Variants in SLC14A2 observed in about 807,000 individuals in gnomAD.
The protein encoded by SLC14A2 is urea transporter 2.
Under a neutral mutation model 104.6 loss-of-function variants are expected in SLC14A2, and 91 were observed. The ratio of observed to expected loss-of-function variants is 0.87; its 90% CI spans 0.73 to 1.04. The LOEUF (loss-of-function observed/expected upper bound fraction) is 1.04, where lower values mean the gene tolerates loss of function less well. Among genes scored for constraint, SLC14A2 ranks in the 50% least tolerant of loss-of-function variants. The probability of loss-of-function intolerance (pLI) is 0.00; values close to 1 mark genes in which losing one functional copy is unlikely to be tolerated. For missense variants in SLC14A2, 1,189 were observed against 1,156.0 expected (o/e 1.03, Z -0.41); for synonymous variants, 476 against 466.4 (o/e 1.02, Z -0.27).
chr18:45,615,856 A>G (rs867841969), intron 1 of SLC14A2, among the ~76,000 whole-genome samples: 2 of 150,140 alleles, frequency 1.3e-5, no homozygotes, highest in Non-Finnish European at 3.0e-5. Context: ...AGAGAGAGAG[A>G]GAGGGAGAGA....
intron 3 of SLC14A2, 141 bp from the exon 4 acceptor site, chr18:45,626,816 CT>C: frequency 2.3e-6 from 1 of 436,910 alleles, no homozygotes; most frequent in Non-Finnish European, 4.2e-6. Context: ...ACCCCCACCC[CT>C]CCACCCCGAC....
At chr18:45,583,942 A>G (rs2044532906) in intron 2 of SLC14A2, among the ~76,000 whole-genome samples, 1 of 152,266 alleles carries the variant, frequency 6.6e-6, no homozygotes, top group South Asian at 2.1e-4. Context: ...TGGTAATCAC[A>G]TTAAAAATTG....
At chr18:45,655,185 G>T (rs989541920) in intron 10 of SLC14A2, among the ~76,000 whole-genome samples, 1 of 152,206 alleles carries the variant, frequency 6.6e-6, no homozygotes, top group African/African-American at 2.4e-5. Flanking sequence ...GACCTAGTCT[G>T]TGCAGCCACT....
chr18:45,391,673 C>T (rs1261463418), intron 1 of SLC14A2, among the ~76,000 whole-genome samples: 1 of 152,170 alleles, frequency 6.6e-6, no homozygotes, highest in Non-Finnish European at 1.5e-5. Flanking sequence ...TCTCTGATGG[C>T]CAGTGATGAT....
At position 45,644,364 on chromosome 18, in the gene SLC14A2, G is replaced by T. The variant is rs540743438; in HGVS notation, c.1351+204G>T. 2.4e-5 allele frequency: 12 copies of T among 499,288 alleles called. No homozygotes were observed. The East Asian group carries it at 3.5e-4, about 15-fold the overall frequency. 30.9% of individuals were successfully genotyped at this position (499,288 alleles called of 1,614,324 possible). On this transcript the variant is annotated intron_variant, in intron 10 of 19. Coordinates refer to ENST00000255226, the MANE Select transcript of SLC14A2 (RefSeq NM_007163.4). ...GAATCTCCATAACTATCTATTGTGC[G>T]ACATTAAGGGATGTTGGTATTACAG...
Position 45,497,395 on chromosome 18 carries a change from G to A in SLC14A2, c.-35+14073G>A, listed in dbSNP as rs140205359. On this transcript the variant is annotated intron_variant, in intron 2 of 20. Coordinates refer to the SLC14A2 transcript ENST00000586448. ...GAAAACGTTTCTTATCCTGTGTGGG[G>A]GTCATATTCAACTGAAGAGATAGAC... Among the ~76,000 whole-genome samples the A allele has an allele frequency of 2.2e-3, 328 of 152,220 alleles. 1 individual carries two copies. The highest frequency in any genetic ancestry group is 7.2e-3 in the African/African-American group (297 of 41,528).
At chr18:45,230,278 T>C (rs1333600360) in intron 1 of SLC14A2, among the ~76,000 whole-genome samples, 1 of 152,172 alleles carries the variant, frequency 6.6e-6, no homozygotes, top group Non-Finnish European at 1.5e-5. Context: ...TATTGTAAAG[T>C]CCTGTAAGGC....
upstream of SLC14A2, among the ~76,000 whole-genome samples, chr18:45,209,779 G>C (rs138981172): frequency 1.3e-5 from 2 of 152,298 alleles, no homozygotes; most frequent in Non-Finnish European, 2.9e-5. Flanking sequence ...TTATTCAACA[G>C]CAAGTATAGC....
intron 2 of SLC14A2, among the ~76,000 whole-genome samples, chr18:45,538,798 T>C (rs1227271782): frequency 6.6e-6 from 1 of 151,122 alleles, no homozygotes; most frequent in African/African-American, 2.4e-5. Flanking sequence ...CTGGTCATCA[T>C]ATTATTGCCA....
intron 1 of SLC14A2, among the ~76,000 whole-genome samples, chr18:45,319,374 T>A (rs2085162877): frequency 6.6e-6 from 1 of 152,266 alleles, no homozygotes; most frequent in Non-Finnish European, 1.5e-5. Flanking sequence ...CAGCATATAA[T>A]GGCTCTTGTA....
intron 1 of SLC14A2, among the ~76,000 whole-genome samples, chr18:45,481,901 CAT>C (rs1487554510): frequency 6.6e-6 from 1 of 152,160 alleles, no homozygotes; most frequent in Non-Finnish European, 1.5e-5. Flanking sequence ...AAATTTATCT[CAT>C]AGTTTTCAAG....
chr18:45,420,259 C>T (rs1167064002), intron 1 of SLC14A2, among the ~76,000 whole-genome samples: 1 of 152,208 alleles, frequency 6.6e-6, no homozygotes, highest in Non-Finnish European at 1.5e-5. Flanking sequence ...TGGCTGGCTT[C>T]TCTCAGAGTG....
chr18:45,433,254 T>C (rs2086545967), intron 1 of SLC14A2, among the ~76,000 whole-genome samples: 1 of 152,240 alleles, frequency 6.6e-6, no homozygotes, highest in African/African-American at 2.4e-5. Flanking sequence ...CTCAACATGC[T>C]GTTGTGAAGG....
intron 1 of SLC14A2, among the ~76,000 whole-genome samples, chr18:45,342,815 G>A (rs2085409275): frequency 6.6e-6 from 1 of 152,142 alleles, no homozygotes; most frequent in African/African-American, 2.4e-5. Context: ...GCAATCTAGT[G>A]ACTGGTGATT....
rs2044536190 is a variant in SLC14A2, at chr18:45,584,183, G to A, written c.-34-40448G>A. On this transcript the variant is annotated intron_variant, in intron 2 of 20. Transcript: ENST00000586448. ...GAGCCACACAGTGACAGAATAACCT[G>A]GCCACCATGTTTTTTTAAGATTTTG... 2.0e-5 allele frequency among the ~76,000 whole-genome samples: 3 copies of A among 152,254 alleles called. No individual in the cohort carries two copies. The South Asian group carries it at 6.2e-4, about 32-fold the overall frequency.
chr18:45,489,825 C>A (rs929546929), intron 2 of SLC14A2: 6 of 152,184 alleles, frequency 3.9e-5, no homozygotes, highest in Non-Finnish European at 8.8e-5. Flanking sequence ...TCTCAGATCA[C>A]ATAGAGATTA....
chr18:45,207,281 AAGAAG>A, the SLC14A2 span, among the ~76,000 whole-genome samples: 2 of 151,088 alleles, frequency 1.3e-5, no homozygotes, highest in African/African-American at 4.9e-5. Flanking sequence ...ACATGAAGGA[AAGAAG>A]AGAAAGGTAG....
intron 1 of SLC14A2, among the ~76,000 whole-genome samples, chr18:45,403,759 G>GGTGAATGAATGA (rs150864223): frequency 1.5e-5 from 2 of 135,096 alleles, no homozygotes; most frequent in Admixed American, 1.5e-4. Flanking sequence ...TTTAATCAGT[G>GGTGAATGAATGA]ATGAATGAAT....
At chr18:45,534,871 G>C (rs563564588) in intron 2 of SLC14A2, among the ~76,000 whole-genome samples, 1 of 152,322 alleles carries the variant, frequency 6.6e-6, no homozygotes, top group East Asian at 1.9e-4. Context: ...GCCATTGACT[G>C]CACCACAGGG....
Sources: gnomAD v4.1 joint callset for allele counts (sites outside exome capture counted in the v4.1 genomes callset) on GRCh38, gnomAD v4.1.1 for gene constraint, MANE v1.5 for transcripts, NCBI Gene and HGNC (gene_info 2026-07-23, HGNC 2026-07-21) for gene names.